The following ESRRB variants were observed in gnomAD, a reference collection of about 807,000 sequenced individuals.
ESRRB encodes estrogen related receptor beta.
ESRRB carries 16 observed loss-of-function variants against 46.0 expected under a neutral mutation model. That is an observed-to-expected ratio of 0.35 (90% CI 0.24 to 0.53). The LOEUF is 0.53. Among genes scored for constraint, ESRRB ranks in the 20% least tolerant of loss-of-function variants. The probability of loss-of-function intolerance (pLI) is 0.93; values close to 1 mark genes in which losing one functional copy is unlikely to be tolerated. For synonymous variants in ESRRB, 246 were observed against 259.6 expected (o/e 0.95, Z 0.50); for missense variants, 488 against 607.4 (o/e 0.80, Z 2.07).
At chr14:76,426,621 C>T (rs1389416662) in intron 1 of ESRRB, among the ~76,000 whole-genome samples, 1 of 152,114 alleles carries the variant, frequency 6.6e-6, no homozygotes, top group Non-Finnish European at 1.5e-5. Context: ...AATGGTACAG[C>T]TCGGAGTCAA....
intron 1 of ESRRB, among the ~76,000 whole-genome samples, chr14:76,325,557 C>T (rs1883920275): frequency 6.6e-6 from 1 of 152,124 alleles, no homozygotes. Flanking sequence ...ATCTCCATGG[C>T]AAGCCTTTGA....
At chr14:76,322,246 T>C (rs1883875916) in intron 1 of ESRRB, among the ~76,000 whole-genome samples, 1 of 152,188 alleles carries the variant, frequency 6.6e-6, no homozygotes, top group Non-Finnish European at 1.5e-5. Flanking sequence ...GTCTGCCAGG[T>C]CAGCCCTCTG....
At chr14:76,400,998 C>CA (rs1885918401) in intron 1 of ESRRB, among the ~76,000 whole-genome samples, 2 of 152,158 alleles carry the variant, frequency 1.3e-5, no homozygotes, top group South Asian at 4.2e-4. Context: ...AGTTGCCAGA[C>CA]ACATGTGTGA....
At position 76,500,700 on chromosome 14, in the gene ESRRB, G is replaced by A. The variant is rs770070590; in HGVS notation, c.*2242G>A. 21 of 1,613,824 alleles carry A rather than the reference G, an allele frequency of 1.3e-5. No homozygotes were observed. Among genetic ancestry groups the A allele is most frequent in the Non-Finnish European group, 1.8e-5 (21 of 1,179,878 alleles). On this transcript the variant is annotated 3_prime_UTR_variant, in exon 7 of 7. Coordinates refer to ENST00000644823, the MANE Select transcript of ESRRB (RefSeq NM_001379180.1). Reference sequence around the variant, plus strand: ...CTGCTGTCTGTCTTTTCTAGGGAAAGCATCTCTGGCTCACCATGTAACATC... The same window carrying A: ...CTGCTGTCTGTCTTTTCTAGGGAAAACATCTCTGGCTCACCATGTAACATC...
chr14:76,466,590 G>A (rs1485401603), intron 3 of ESRRB, among the ~76,000 whole-genome samples: 1 of 152,044 alleles, frequency 6.6e-6, no homozygotes, highest in Non-Finnish European at 1.5e-5. Context: ...AGCAAATCTA[G>A]TACATAAAAA....
At chr14:76,316,713 T>A (rs2139722409) in intron 1 of ESRRB, among the ~76,000 whole-genome samples, 2 of 152,172 alleles carry the variant, frequency 1.3e-5, no homozygotes, top group African/African-American at 4.8e-5. Flanking sequence ...CTCTCCTCTC[T>A]GTCCCTCTCT....
intron 1 of ESRRB, among the ~76,000 whole-genome samples, chr14:76,396,841 G>A (rs547031315): frequency 1.2e-3 from 183 of 152,342 alleles, no homozygotes; most frequent in African/African-American, 4.2e-3. Context: ...GCCTGGGTTG[G>A]CAAGGGTTGG....
intron 1 of ESRRB, among the ~76,000 whole-genome samples, chr14:76,409,605 T>C (rs922763525): frequency 2.0e-4 from 11 of 54,084 alleles, no homozygotes; most frequent in Non-Finnish European, 3.6e-4. Flanking sequence ...GGCTTTTGCA[T>C]GTGGGGTGGG....
intron 1 of ESRRB, among the ~76,000 whole-genome samples, chr14:76,393,750 A>G (rs1885558615): frequency 6.6e-6 from 1 of 152,180 alleles, no homozygotes; most frequent in African/African-American, 2.4e-5. Context: ...TGGGGTCCCC[A>G]GGCTGGCCGA....
At chr14:76,403,911 G>T (rs1041094130) in intron 1 of ESRRB, among the ~76,000 whole-genome samples, 4 of 152,068 alleles carry the variant, frequency 2.6e-5, no homozygotes, top group Non-Finnish European at 4.4e-5. Flanking sequence ...TAGAGATGGG[G>T]TTTCACCACG....
chr14:76,499,100 T>C lies in ESRRB; in HGVS notation c.*642T>C. 3.0e-6 allele frequency: 1 copy of C among 332,226 alleles called. No individual in the cohort carries two copies. The highest frequency in any genetic ancestry group is 2.3e-5 in the South Asian group (1 of 42,614). The allele number at this position is 332,226 out of a possible 1,614,324, so 20.6% of individuals were successfully genotyped here. On this transcript the variant is annotated 3_prime_UTR_variant, in exon 7 of 7. Coordinates refer to ENST00000644823, the MANE Select transcript of ESRRB (RefSeq NM_001379180.1). ...CCCCACCCCTCGGGGCCTACCCCCC[T>C]GCCTGTCACCCACCGCGCCGGTGTC... is the stretch of plus-strand genomic sequence containing the variant.
chr14:76,473,761 T>C (rs1186509669), intron 3 of ESRRB, among the ~76,000 whole-genome samples: 1 of 152,220 alleles, frequency 6.6e-6, no homozygotes, highest in Non-Finnish European at 1.5e-5. Context: ...CCTGATCTTA[T>C]CAAGTCAGCA....
At chr14:76,379,242 C>T (rs1229518252) in intron 1 of ESRRB, among the ~76,000 whole-genome samples, 1 of 152,064 alleles carries the variant, frequency 6.6e-6, no homozygotes, top group Non-Finnish European at 1.5e-5. Context: ...ATATAATCAC[C>T]CAGAGTGGGA....
At chr14:76,398,614 G>T (rs1259774822) in intron 1 of ESRRB, among the ~76,000 whole-genome samples, 1 of 152,128 alleles carries the variant, frequency 6.6e-6, no homozygotes, top group African/African-American at 2.4e-5. Flanking sequence ...TCAGAGGAGA[G>T]GATTGCCTCT....
At chr14:76,385,473 G>C (rs1247020625) in intron 1 of ESRRB, among the ~76,000 whole-genome samples, 2 of 152,154 alleles carry the variant, frequency 1.3e-5, no homozygotes, top group East Asian at 1.9e-4. Flanking sequence ...TAGGAGAAAG[G>C]GTGTTTTTTC....
intron 1 of ESRRB, among the ~76,000 whole-genome samples, chr14:76,384,873 G>T (rs1280491283): frequency 6.7e-6 from 1 of 150,130 alleles, no homozygotes; most frequent in East Asian, 1.9e-4. Flanking sequence ...TGAGGCCGTT[G>T]TCCCTGCTCC....
intron 5 of ESRRB, among the ~76,000 whole-genome samples, chr14:76,483,139 C>T (rs1350528172): frequency 1.3e-5 from 2 of 152,214 alleles, no homozygotes; most frequent in Non-Finnish European, 2.9e-5. Context: ...AAGACTGACC[C>T]TCTCTTCCTA....
Position 76,500,059 on chromosome 14 carries a change from G to A in ESRRB, c.*1601G>A. On this transcript the variant is annotated 3_prime_UTR_variant, in exon 7 of 7. Transcript: ENST00000644823. ...ATCTCACCCAGCACTAGGACACCAG[G>A]AGGCCAGGTAACTTTCTGCAGCTTT... 1.3e-6 allele frequency: 2 copies of A among 1,551,024 alleles called. No homozygotes were observed. The highest frequency in any genetic ancestry group is 1.7e-6 in the Non-Finnish European group (2 of 1,146,084).
chr14:76,354,892 G>A (rs1884360741), intron 1 of ESRRB, among the ~76,000 whole-genome samples: 3 of 151,746 alleles, frequency 2.0e-5, no homozygotes, highest in Admixed American at 2.0e-4. Flanking sequence ...TGTATTTTTA[G>A]TAGAGATGAA....
Sources: allele counts gnomAD v4.1 joint callset (sites outside exome capture counted in the v4.1 genomes callset), GRCh38; gene constraint gnomAD v4.1.1; transcripts MANE v1.5; gene names NCBI Gene and HGNC (gene_info 2026-07-23, HGNC 2026-07-21).